Variants in ZBBX observed in about 807,000 individuals in gnomAD.
ZBBX encodes zinc finger B-box domain-containing protein 1.
A neutral mutation model predicts 108.5 loss-of-function variants in ZBBX; 101 were observed. That is an observed-to-expected ratio of 0.93 (90% CI 0.79 to 1.10). ZBBX has a LOEUF of 1.10. Ranked by LOEUF, ZBBX falls within the 50% of genes least tolerant of loss-of-function variation. The probability of loss-of-function intolerance (pLI) is 0.00; values close to 1 mark genes in which losing one functional copy is unlikely to be tolerated. For synonymous variants in ZBBX, 356 were observed against 323.4 expected (o/e 1.10, Z -1.08); for missense variants, 1,009 against 941.4 (o/e 1.07, Z -0.94).
intron 20 of ZBBX, among the ~76,000 whole-genome samples, chr3:167,266,733 T>A (rs1156933829): frequency 2.0e-5 from 3 of 152,218 alleles, no homozygotes; most frequent in Non-Finnish European, 4.4e-5. Context: ...TTTGCAAAAG[T>A]AAATTGCCTT....
At chr3:167,380,882 A>ACG (rs1747664702), upstream of ZBBX, among the ~76,000 whole-genome samples, 1 of 151,410 alleles carries the variant, frequency 6.6e-6, no homozygotes, top group African/African-American at 2.4e-5. Context: ...ACACACACAC[A>ACG]CACACACACA....
chr3:167,355,600 G>T (rs1743433389), intron 8 of ZBBX, among the ~76,000 whole-genome samples: 2 of 151,454 alleles, frequency 1.3e-5, no homozygotes, highest in Admixed American at 1.3e-4. Context: ...ATACACATAT[G>T]TGGCTTTCAA....
intron 20 of ZBBX, among the ~76,000 whole-genome samples, chr3:167,258,649 G>T (rs1723936905): frequency 6.6e-6 from 1 of 151,998 alleles, no homozygotes; most frequent in African/African-American, 2.4e-5. Context: ...TATGTCCCTT[G>T]TTTGCTGATT....
At chr3:167,178,748 G>C in the ZBBX span, among the ~76,000 whole-genome samples, 10 of 152,126 alleles carry the variant, frequency 6.6e-5, no homozygotes, top group African/African-American at 9.7e-5. Flanking sequence ...CAGTTGTTCT[G>C]CTTCTTTCTT....
the ZBBX span, among the ~76,000 whole-genome samples, chr3:167,224,986 A>G: frequency 6.6e-6 from 1 of 151,820 alleles, no homozygotes; most frequent in African/African-American, 2.4e-5. Flanking sequence ...ACCCCTCACA[A>G]TGTTTCTTGT....
At chr3:167,343,067 G>A (rs910601665) in intron 9 of ZBBX, among the ~76,000 whole-genome samples, 1 of 151,818 alleles carries the variant, frequency 6.6e-6, no homozygotes, top group Non-Finnish European at 1.5e-5. Flanking sequence ...TTTAAATGTA[G>A]ATAATATAGG....
chr3:167,239,702 G>T (rs1395930868), downstream of ZBBX, among the ~76,000 whole-genome samples: 4 of 152,056 alleles, frequency 2.6e-5, no homozygotes, highest in Admixed American at 2.0e-4. Flanking sequence ...GGAGTAAAAA[G>T]TAATACACAG....
chr3:167,401,615 C>A (rs1748426279), intron 1 of ZBBX, among the ~76,000 whole-genome samples: 1 of 152,152 alleles, frequency 6.6e-6, no homozygotes, highest in African/African-American at 2.4e-5. Context: ...TGTAAACTGT[C>A]ATGGCACTGG....
chr3:167,232,644 T>C, the ZBBX span, among the ~76,000 whole-genome samples: 3 of 151,846 alleles, frequency 2.0e-5, no homozygotes, highest in African/African-American at 7.2e-5. Flanking sequence ...AGGACTCTCA[T>C]AGAATGCTTT....
chr3:167,289,487 G>T (rs2108560561), intron 18 of ZBBX, among the ~76,000 whole-genome samples: 1 of 152,316 alleles, frequency 6.6e-6, no homozygotes, highest in African/African-American at 2.4e-5. Flanking sequence ...GCAGGGTGTG[G>T]TGTCACCTTA....
intron 16 of ZBBX, among the ~76,000 whole-genome samples, chr3:167,312,732 T>C (rs1428574768): frequency 2.0e-5 from 3 of 152,176 alleles, no homozygotes; most frequent in African/African-American, 4.8e-5. Context: ...CAGGACAAGA[T>C]TGGAATACTG....
the ZBBX span, among the ~76,000 whole-genome samples, chr3:167,231,542 A>G: frequency 3.3e-5 from 5 of 151,924 alleles, no homozygotes; most frequent in South Asian, 1.0e-3. Context: ...GTCAAATAGA[A>G]TACAGCCAGT....
chr3:167,295,710 AATATATAT>A (rs1181996279), intron 18 of ZBBX, among the ~76,000 whole-genome samples: 20 of 78,952 alleles, frequency 2.5e-4, no homozygotes, highest in South Asian at 2.5e-3. Flanking sequence ...AAAAAATTGG[AATATATAT>A]ATATATATAT....
At chr3:167,348,341 AAAGAAAGAAAGAAAGAAAGAAAGAAAG>A (rs1222447690) in intron 9 of ZBBX, among the ~76,000 whole-genome samples, 150 of 110,172 alleles carry the variant, frequency 1.4e-3, no homozygotes, top group African/African-American at 5.4e-3. Context: ...AGAAAGAAAG[AAAGAAAGAAAGAAAGAAAGAAAGAAAG>A]AAAAAAAAGA....
At chr3:167,205,994 T>C in the ZBBX span, among the ~76,000 whole-genome samples, 1 of 152,258 alleles carries the variant, frequency 6.6e-6, no homozygotes, top group South Asian at 2.1e-4. Flanking sequence ...TGCATGTGTT[T>C]GTTAAGAACA....
At chr3:167,232,083 A>G in the ZBBX span, among the ~76,000 whole-genome samples, 1 of 151,820 alleles carries the variant, frequency 6.6e-6, no homozygotes, top group African/African-American at 2.4e-5. Flanking sequence ...AAGAAGTCTC[A>G]GTGAATCAGA....
chr3:167,360,734 A>G lies in ZBBX; in HGVS notation c.274-11T>C. On this transcript the variant is annotated splice_polypyrimidine_tract_variant and intron_variant, in intron 6 of 21. Transcript: ENST00000675490. The stretch of plus-strand genomic sequence containing the variant: ...TTTTCCAGCAGAAAACTGTATTAAT[A>G]AAATAGATACTATTTGTCAGGTATA... The G allele has an allele frequency of 7.3e-7, 1 of 1,366,924 alleles. No individual in the cohort carries two copies. The highest frequency in any genetic ancestry group is 9.6e-7 in the Non-Finnish European group (1 of 1,041,930). 84.7% of individuals were successfully genotyped at this position (1,366,924 alleles called of 1,614,324 possible). A position where few individuals can be genotyped will look rare whatever the true frequency, so the allele number is the denominator to read the frequency against.
intron 1 of ZBBX, among the ~76,000 whole-genome samples, chr3:167,404,893 G>T (rs144491316): frequency 2.0e-5 from 3 of 152,244 alleles, no homozygotes; most frequent in East Asian, 3.9e-4. Context: ...CAAGATGATG[G>T]CCTTAATTAA....
At chr3:167,286,022 A>C (rs1729631077) in intron 19 of ZBBX, among the ~76,000 whole-genome samples, 1 of 152,178 alleles carries the variant, frequency 6.6e-6, no homozygotes, top group South Asian at 2.1e-4. Flanking sequence ...AAAAGAAGGT[A>C]AATGTGATAG....
Sources: gnomAD v4.1 joint callset for allele counts (sites outside exome capture counted in the v4.1 genomes callset) on GRCh38, gnomAD v4.1.1 for gene constraint, MANE v1.5 for transcripts, NCBI Gene and HGNC (gene_info 2026-07-23, HGNC 2026-07-21) for gene names.